Variants in ARL15 observed in about 807,000 individuals in gnomAD.
ARL15 encodes ARF like GTPase 15, also known as ADP-ribosylation factor-like protein 15.
ARL15 carries 19 observed loss-of-function variants against 25.2 expected under a neutral mutation model. The ratio of observed to expected loss-of-function variants is 0.75; its 90% CI spans 0.53 to 1.10. The LOEUF (loss-of-function observed/expected upper bound fraction) is 1.10. Ranked by LOEUF, ARL15 falls within the 50% of genes least tolerant of loss-of-function variation. The pLI is 0.00. For missense variants in ARL15, 220 were observed against 246.0 expected (o/e 0.89, Z 0.71); for synonymous variants, 94 against 86.8 (o/e 1.08, Z -0.46).
At chr5:54,198,376 C>G (rs1353134045) in intron 1 of ARL15, among the ~76,000 whole-genome samples, 13 of 151,772 alleles carry the variant, frequency 8.6e-5, no homozygotes, top group Admixed American at 5.3e-4. Context: ...GCAGACGACA[C>G]AATTGGATAT....
At chr5:54,167,594 C>T (rs1195071630) in intron 2 of ARL15, among the ~76,000 whole-genome samples, 1 of 151,780 alleles carries the variant, frequency 6.6e-6, no homozygotes, top group South Asian at 2.1e-4. Flanking sequence ...CTTACCAGAA[C>T]AAGAAGTCCT....
intron 1 of ARL15, among the ~76,000 whole-genome samples, chr5:54,231,120 TCC>T (rs575345012): frequency 0.072 from 10,967 of 152,080 alleles, 531 homozygotes; most frequent in African/African-American, 0.13. Context: ...CACGTGGATA[TCC>T]CACAAACACA....
chr5:54,157,827 T>C (rs1754287863), intron 2 of ARL15, among the ~76,000 whole-genome samples: 1 of 152,250 alleles, frequency 6.6e-6, no homozygotes. Flanking sequence ...CAGTCATCCA[T>C]GTTGCTGTCT....
intron 1 of ARL15, among the ~76,000 whole-genome samples, chr5:54,297,830 T>G (rs1372034201): frequency 6.6e-6 from 1 of 152,176 alleles, no homozygotes; most frequent in African/African-American, 2.4e-5. Context: ...TCGCCCAGGC[T>G]GGAGTGCAGT....
At chr5:54,301,584 T>C (rs1202054874) in intron 1 of ARL15, among the ~76,000 whole-genome samples, 1 of 152,250 alleles carries the variant, frequency 6.6e-6, no homozygotes, top group Admixed American at 6.5e-5. Flanking sequence ...CTTTTCTGAA[T>C]GCTTAAAATA....
intron 4 of ARL15, among the ~76,000 whole-genome samples, chr5:54,041,296 A>C (rs1750336526): frequency 1.3e-5 from 2 of 152,208 alleles, no homozygotes; most frequent in Non-Finnish European, 2.9e-5. Context: ...TTTTTTTCCA[A>C]AGGCTGTTTA....
intron 4 of ARL15, among the ~76,000 whole-genome samples, chr5:53,994,243 C>G (rs911709951): frequency 6.6e-6 from 1 of 152,132 alleles, no homozygotes; most frequent in African/African-American, 2.4e-5. Context: ...ACCTAGAAGC[C>G]TTCTCCAGTG....
chr5:53,938,400 G>A (rs1352557621), intron 4 of ARL15, among the ~76,000 whole-genome samples: 1 of 152,124 alleles, frequency 6.6e-6, no homozygotes, highest in African/African-American at 2.4e-5. Context: ...CTTGTACAAG[G>A]AATTAACGAA....
intron 1 of ARL15, chr5:54,307,832 T>C (rs1436197073): frequency 6.6e-6 from 1 of 152,138 alleles, no homozygotes; most frequent in Non-Finnish European, 1.5e-5. Context: ...CAAATACTGA[T>C]TAAAAAGAAA....
chr5:54,215,631 GGA>G (rs999911110), intron 1 of ARL15, among the ~76,000 whole-genome samples: 15 of 143,494 alleles, frequency 1.0e-4, no homozygotes, highest in Non-Finnish European at 1.9e-4. Flanking sequence ...GGGGAGGGGG[GGA>G]AAAAGGAACT....
chr5:54,122,588 T>C (rs10065324), intron 3 of ARL15, among the ~76,000 whole-genome samples: 37,392 of 152,208 alleles, frequency 0.25, 5,189 homozygotes, highest in African/African-American at 0.37. Flanking sequence ...AAATTGGTAC[T>C]ATTTTTTTCA....
intron 3 of ARL15, among the ~76,000 whole-genome samples, chr5:54,125,902 C>T (rs563066224): frequency 5.6e-4 from 85 of 152,142 alleles, no homozygotes; most frequent in Non-Finnish European, 9.1e-4. Flanking sequence ...GTCTGACTGG[C>T]GACTCATGAT....
rs531497070 is a variant in ARL15, at chr5:54,127,972, C to A, written c.254-14562G>T. Among the ~76,000 whole-genome samples the A allele has an allele frequency of 1.4e-4, 21 of 150,476 alleles. No individual in the cohort carries two copies. In the South Asian group the frequency reaches 1.9e-3, roughly 13 times the overall value. ...GGGAAAACTGGCTAGCCATATGTAG[C>A]AAGCTGAAACTGGATCCCTTCCTTA... On this transcript the variant is annotated intron_variant, in intron 3 of 4. Coordinates refer to ENST00000504924, the MANE Select transcript of ARL15 (RefSeq NM_019087.3).
At chr5:54,197,945 C>A (rs1755600597) in intron 1 of ARL15, among the ~76,000 whole-genome samples, 1 of 151,982 alleles carries the variant, frequency 6.6e-6, no homozygotes, top group Admixed American at 6.6e-5. Context: ...AGCTTATCCA[C>A]CATGATCAAG....
intron 1 of ARL15, among the ~76,000 whole-genome samples, chr5:54,298,396 G>C (rs946532558): frequency 6.6e-6 from 1 of 152,088 alleles, no homozygotes; most frequent in Non-Finnish European, 1.5e-5. Flanking sequence ...GTCATCCTCG[G>C]CCCTCCGTCC....
intron 1 of ARL15, 104 bp downstream of exon 1, chr5:54,310,328 T>C: frequency 7.5e-7 from 1 of 1,326,704 alleles, no homozygotes; most frequent in African/African-American, 1.5e-5. Flanking sequence ...CCCAGAGGCA[T>C]CCTATCCCAA....
At chr5:54,174,320 GCTGA>G (rs1174946116) in intron 1 of ARL15, among the ~76,000 whole-genome samples, 2 of 152,126 alleles carry the variant, frequency 1.3e-5, no homozygotes, top group South Asian at 2.1e-4. Context: ...ATAAGAAACC[GCTGA>G]CTTTTTCACT....
At chr5:54,196,249 C>T (rs1409310122) in intron 1 of ARL15, among the ~76,000 whole-genome samples, 1 of 152,058 alleles carries the variant, frequency 6.6e-6, no homozygotes, top group Admixed American at 6.6e-5. Context: ...TCTTGAAGCA[C>T]ATTCATCAAA....
chr5:54,071,583 T>G (rs1321144229), intron 4 of ARL15, among the ~76,000 whole-genome samples: 2 of 148,298 alleles, frequency 1.3e-5, no homozygotes, highest in Non-Finnish European at 3.0e-5. Flanking sequence ...TCAAAGGAAT[T>G]TTTGGTACAC....
Sources: gnomAD v4.1 joint callset for allele counts (sites outside exome capture counted in the v4.1 genomes callset) on GRCh38, gnomAD v4.1.1 for gene constraint, MANE v1.5 for transcripts, NCBI Gene and HGNC (gene_info 2026-07-23, HGNC 2026-07-21) for gene names.